The following SNTG1 variants were observed in gnomAD, a reference collection of about 807,000 sequenced individuals.
SNTG1 encodes gamma-1-syntrophin.
SNTG1 carries 39 observed loss-of-function variants against 74.7 expected under a neutral mutation model. That is an observed-to-expected ratio of 0.52 (90% confidence interval 0.40 to 0.68). The LOEUF is 0.68. Ranked by LOEUF, SNTG1 falls within the 30% of genes least tolerant of loss-of-function variation. The probability of loss-of-function intolerance (pLI) is 0.00; values close to 1 mark genes in which losing one functional copy is unlikely to be tolerated. For missense variants in SNTG1, 685 were observed against 609.5 expected, an observed-to-expected ratio of 1.12 and a Z score of -1.30; for synonymous variants, 254 against 217.1, an observed-to-expected ratio of 1.17 and a Z score of -1.49.
At chr8:50,637,181 T>G (rs2095044596) in intron 13 of SNTG1, among the ~76,000 whole-genome samples, 1 of 152,180 alleles carries the variant, frequency 6.6e-6, no homozygotes. Flanking sequence ...ATTTGTCATT[T>G]TAATTTACTA....
chr8:50,279,666 T>C (rs1381744872), intron 2 of SNTG1, among the ~76,000 whole-genome samples: 1 of 152,196 alleles, frequency 6.6e-6, no homozygotes, highest in Non-Finnish European at 1.5e-5. Context: ...AACAAGTTTA[T>C]TAAAATGTGT....
intron 9 of SNTG1, among the ~76,000 whole-genome samples, chr8:50,512,652 T>A (rs2094091775): frequency 6.6e-6 from 1 of 152,216 alleles, no homozygotes; most frequent in South Asian, 2.1e-4. Flanking sequence ...TCTTCTAGCT[T>A]CATTTCATTC....
chr8:50,571,909 A>G (rs2094551017), intron 12 of SNTG1, among the ~76,000 whole-genome samples: 1 of 152,130 alleles, frequency 6.6e-6, no homozygotes, highest in South Asian at 2.1e-4. Context: ...TCATTCTAAA[A>G]TGGAGCTTCA....
intron 1 of SNTG1, among the ~76,000 whole-genome samples, chr8:50,152,888 G>C (rs553268608): frequency 4.8e-4 from 73 of 152,130 alleles, no homozygotes; most frequent in Non-Finnish European, 9.4e-4. Context: ...GTGTCTTGGA[G>C]TTGCTCTTCT....
At chr8:50,323,488 G>T (rs569284321) in intron 2 of SNTG1, among the ~76,000 whole-genome samples, 1 of 152,122 alleles carries the variant, frequency 6.6e-6, no homozygotes, top group African/African-American at 2.4e-5. Flanking sequence ...TGTCCTTCTT[G>T]GGAAGACTTA....
chr8:50,173,586 A>G (rs780300968), intron 2 of SNTG1, among the ~76,000 whole-genome samples: 18 of 152,214 alleles, frequency 1.2e-4, no homozygotes, highest in Non-Finnish European at 1.3e-4. Context: ...AACTTTATGT[A>G]GCCATGCAGA....
At chr8:50,454,742 T>G (rs192573420) in intron 8 of SNTG1, among the ~76,000 whole-genome samples, 84 of 148,756 alleles carry the variant, frequency 5.6e-4, no homozygotes, top group Admixed American at 2.3e-3. Flanking sequence ...CTCAGGAGGT[T>G]GACGCAGCAG....
At chr8:50,013,945 T>C (rs1816066673) in intron 1 of SNTG1, among the ~76,000 whole-genome samples, 1 of 152,158 alleles carries the variant, frequency 6.6e-6, no homozygotes, top group Non-Finnish European at 1.5e-5. Flanking sequence ...TCAATGTTAA[T>C]GTGAAACATC....
intron 13 of SNTG1, among the ~76,000 whole-genome samples, chr8:50,591,981 C>CT (rs1267388563): frequency 6.6e-6 from 1 of 152,192 alleles, no homozygotes; most frequent in Non-Finnish European, 1.5e-5. Context: ...TCACCAGCAG[C>CT]TTCTGCTTAC....
intron 1 of SNTG1, among the ~76,000 whole-genome samples, chr8:49,970,718 C>T (rs187499062): frequency 7.2e-5 from 11 of 152,312 alleles, no homozygotes; most frequent in Admixed American, 3.3e-4. Context: ...CTAAATTCTG[C>T]AGCTAGTGAG....
At chr8:50,770,517 G>C (rs1446397262) in intron 18 of SNTG1, among the ~76,000 whole-genome samples, 1 of 151,992 alleles carries the variant, frequency 6.6e-6, no homozygotes, top group Non-Finnish European at 1.5e-5. Flanking sequence ...CCACTGAAGG[G>C]TGTGGGCTGG....
chr8:50,523,041 T>C (rs2094192784), intron 9 of SNTG1, among the ~76,000 whole-genome samples: 1 of 152,196 alleles, frequency 6.6e-6, no homozygotes, highest in Non-Finnish European at 1.5e-5. Context: ...TTTCTTCATC[T>C]TGTAATTTTA....
chr8:50,271,477 G>C (rs1488195942), intron 2 of SNTG1, among the ~76,000 whole-genome samples: 1 of 152,156 alleles, frequency 6.6e-6, no homozygotes, highest in African/African-American at 2.4e-5. Flanking sequence ...AAAATGAATA[G>C]GCAGTAAGTT....
chr8:50,311,667 G>A (rs2090119055), intron 2 of SNTG1, among the ~76,000 whole-genome samples: 1 of 152,122 alleles, frequency 6.6e-6, no homozygotes, highest in African/African-American at 2.4e-5. Context: ...ACTACAACTT[G>A]TTCAATTCTC....
At chr8:50,701,067 C>T (rs1005467676) in intron 15 of SNTG1, among the ~76,000 whole-genome samples, 4 of 152,008 alleles carry the variant, frequency 2.6e-5, no homozygotes, top group Non-Finnish European at 5.9e-5. Flanking sequence ...CCTATTGCTA[C>T]ATGTGATTTA....
rs570751677 is a variant in SNTG1 at position 50,485,249 on chromosome 8, C to T, written c.364-17529C>T. On this transcript the variant is annotated intron_variant, in intron 8 of 18. Coordinates refer to ENST00000642720, the MANE Select transcript of SNTG1 (RefSeq NM_018967.5). ...TTGTTGGTTTCCTTGTTTGTTGTAT[C>T]ACACTAAGCAACGAGACAACTGTAC... Among the ~76,000 whole-genome samples, 16 of 152,116 alleles carry T rather than the reference C, an allele frequency of 1.1e-4. No homozygotes were observed. In the South Asian group the frequency reaches 1.2e-3, roughly 12 times the overall value.
intron 1 of SNTG1, among the ~76,000 whole-genome samples, chr8:50,118,419 G>T (rs2080896153): frequency 6.6e-6 from 1 of 152,172 alleles, no homozygotes; most frequent in Admixed American, 6.5e-5. Context: ...TGTTCTCAGT[G>T]CTTTACACAT....
intron 1 of SNTG1, among the ~76,000 whole-genome samples, chr8:50,150,042 C>T (rs2082009344): frequency 6.6e-6 from 1 of 151,548 alleles, no homozygotes; most frequent in South Asian, 2.1e-4. Flanking sequence ...AATGTTCTTC[C>T]GTTTGTTTGT....
intron 1 of SNTG1, among the ~76,000 whole-genome samples, chr8:50,055,957 A>G (rs1396802216): frequency 6.6e-6 from 1 of 152,088 alleles, no homozygotes; most frequent in Non-Finnish European, 1.5e-5. Flanking sequence ...AGGCCAGGTA[A>G]TTCTATTTGA....
Sources: gnomAD v4.1 joint callset for allele counts (sites outside exome capture counted in the v4.1 genomes callset) on GRCh38, gnomAD v4.1.1 for gene constraint, MANE v1.5 for transcripts, NCBI Gene and HGNC (gene_info 2026-07-23, HGNC 2026-07-21) for gene names.